The following TMEM132D variants were observed in gnomAD, a reference collection of about 807,000 sequenced individuals.
The protein encoded by TMEM132D is mature OL transmembrane protein.
A neutral mutation model predicts 62.3 loss-of-function variants in TMEM132D; 21 were observed. That is an observed-to-expected ratio of 0.34 (90% CI 0.24 to 0.49). The LOEUF is 0.49. Ranked by LOEUF, TMEM132D falls within the 20% of genes least tolerant of loss-of-function variation. The pLI is 0.99. For synonymous variants in TMEM132D, 621 were observed against 575.6 expected (o/e 1.08, Z -1.13); for missense variants, 1,346 against 1,402.8 (o/e 0.96, Z 0.65).
At chr12:129,259,512 G>A (rs77480164) in intron 4 of TMEM132D, among the ~76,000 whole-genome samples, 3,843 of 152,276 alleles carry the variant, frequency 0.025, 160 homozygotes, top group African/African-American at 0.087. Context: ...GATCCAGACC[G>A]TATCTTCCCT....
At chr12:129,720,912 G>T (rs1290785836) in intron 1 of TMEM132D, among the ~76,000 whole-genome samples, 3 of 152,202 alleles carry the variant, frequency 2.0e-5, no homozygotes, top group Non-Finnish European at 4.4e-5. Flanking sequence ...AGCTGAAGGA[G>T]GTAGAAAGGT....
rs1877790140 is a variant in TMEM132D at position 129,173,291 on chromosome 12, G to A, written c.1443+36229C>T. Among the ~76,000 whole-genome samples the A allele has an allele frequency of 4.6e-5, 7 of 152,258 alleles. No homozygotes were observed. The South Asian group carries it at 1.5e-3, about 32-fold the overall frequency. On this transcript the variant is annotated intron_variant, in intron 5 of 8. Coordinates refer to ENST00000422113, the MANE Select transcript of TMEM132D (RefSeq NM_133448.3). ...TAAGATTAATAAGCCTTGGATATAA[G>A]AAAAGTCTTCAAAATGGGCTGTTTT...
At chr12:129,431,605 T>A (rs931387260) in intron 3 of TMEM132D, among the ~76,000 whole-genome samples, 2 of 152,272 alleles carry the variant, frequency 1.3e-5, no homozygotes, top group African/African-American at 2.4e-5. Context: ...CCCTCCTGCA[T>A]TTTACAACAG....
chr12:129,694,324 T>C (rs1021670106), intron 2 of TMEM132D, among the ~76,000 whole-genome samples: 3 of 152,098 alleles, frequency 2.0e-5, no homozygotes, highest in Non-Finnish European at 2.9e-5. Context: ...CAAATCCCAA[T>C]TGAAGGACAT....
intron 5 of TMEM132D, among the ~76,000 whole-genome samples, chr12:129,115,692 G>A (rs932986133): frequency 2.6e-5 from 4 of 152,230 alleles, no homozygotes; most frequent in Non-Finnish European, 5.9e-5. Flanking sequence ...ACACTGGGCA[G>A]TCACGACAAG....
intron 5 of TMEM132D, among the ~76,000 whole-genome samples, chr12:129,093,498 A>G (rs558446268): frequency 6.6e-6 from 1 of 152,322 alleles, no homozygotes; most frequent in East Asian, 1.9e-4. Context: ...GATCTCTTCA[A>G]GGAGAACTAC....
At chr12:129,785,417 T>G (rs192326886) in intron 1 of TMEM132D, among the ~76,000 whole-genome samples, 63 of 152,330 alleles carry the variant, frequency 4.1e-4, no homozygotes, top group Admixed American at 4.1e-3. Context: ...AAAATCTACC[T>G]CTGTGGGATT....
At chr12:129,408,505 T>G (rs930140232) in intron 3 of TMEM132D, among the ~76,000 whole-genome samples, 2 of 151,968 alleles carry the variant, frequency 1.3e-5, no homozygotes, top group Admixed American at 1.3e-4. Flanking sequence ...CTTATCCCCT[T>G]TAGCAAAGTT....
At chr12:129,404,194 T>G (rs1160516480) in intron 3 of TMEM132D, among the ~76,000 whole-genome samples, 1 of 148,078 alleles carries the variant, frequency 6.8e-6, no homozygotes, top group Non-Finnish European at 1.5e-5. Flanking sequence ...ACTGGGTTAT[T>G]TAGTTATTTA....
In TMEM132D at chr12:129,598,760, T is replaced by C. The variant is rs1878411407; in HGVS notation, c.969-67555A>G. 2.0e-5 allele frequency among the ~76,000 whole-genome samples: 3 copies of C among 152,192 alleles called. No individual in the cohort carries two copies. In the South Asian group the frequency reaches 6.2e-4, roughly 31 times the overall value. ...GTAAAGATCTATGTTTTGGTAACGA[T>C]TGCAGAAATTTTTCTGCTTTTCAAG... On this transcript the variant is annotated intron_variant, in intron 2 of 8. Transcript: ENST00000422113.
At position 129,264,343 on chromosome 12, in the gene TMEM132D, T is replaced by G. The variant is rs1355767284; in HGVS notation, c.1300-54680A>C. ...GGTGGAGGTTGCAGTGAGCAGAGAT[T>G]GTGCCACTGCACTCCAGCCTGGGCG... On this transcript the variant is annotated intron_variant, in intron 4 of 8. Coordinates refer to ENST00000422113, the MANE Select transcript of TMEM132D (RefSeq NM_133448.3). 3.3e-5 allele frequency among the ~76,000 whole-genome samples: 5 copies of G among 152,094 alleles called. No homozygotes were observed. In the East Asian group the frequency reaches 9.6e-4, roughly 29 times the overall value.
intron 2 of TMEM132D, among the ~76,000 whole-genome samples, chr12:129,644,409 C>A (rs913211601): frequency 2.6e-5 from 4 of 152,122 alleles, no homozygotes; most frequent in Admixed American, 2.0e-4. Flanking sequence ...CTCACTGTGG[C>A]CATAATTGTT....
intron 2 of TMEM132D, among the ~76,000 whole-genome samples, chr12:129,677,512 C>T (rs1244888374): frequency 6.6e-6 from 1 of 152,174 alleles, no homozygotes; most frequent in Non-Finnish European, 1.5e-5. Flanking sequence ...GGTCTAAAGC[C>T]AGCATGGATT....
At chr12:129,318,609 G>C (rs972804270) in intron 4 of TMEM132D, among the ~76,000 whole-genome samples, 8 of 152,160 alleles carry the variant, frequency 5.3e-5, no homozygotes, top group African/African-American at 1.7e-4. Flanking sequence ...CTCTATGTTT[G>C]TGCTGGTGGC....
chr12:129,380,169 T>G (rs1418593120), intron 3 of TMEM132D, among the ~76,000 whole-genome samples: 2 of 152,150 alleles, frequency 1.3e-5, no homozygotes, highest in Non-Finnish European at 2.9e-5. Context: ...AATAACAACA[T>G]CCATTTACAT....
chr12:129,597,718 T>C (rs1191399953), intron 2 of TMEM132D, among the ~76,000 whole-genome samples: 1 of 152,216 alleles, frequency 6.6e-6, no homozygotes, highest in East Asian at 1.9e-4. Context: ...GTTTCAACCA[T>C]AACATAGCAT....
At chr12:129,863,728 T>C (rs1490799989) in intron 1 of TMEM132D, among the ~76,000 whole-genome samples, 1 of 152,160 alleles carries the variant, frequency 6.6e-6, no homozygotes, top group Non-Finnish European at 1.5e-5. Flanking sequence ...CCCCACGATA[T>C]TTTAATACAT....
At chr12:129,634,109 T>G (rs544038430) in intron 2 of TMEM132D, among the ~76,000 whole-genome samples, 1 of 152,072 alleles carries the variant, frequency 6.6e-6, no homozygotes, top group Non-Finnish European at 1.5e-5. Context: ...TTGTCACGTG[T>G]GGGAAGGCCT....
chr12:129,385,696 C>CTCCACTTTA (rs1377820398), intron 3 of TMEM132D, among the ~76,000 whole-genome samples: 1 of 152,188 alleles, frequency 6.6e-6, no homozygotes, highest in African/African-American at 2.4e-5. Context: ...AAAAATGTCT[C>CTCCACTTTA]TCCACTTTAT....
Sources: gnomAD v4.1 joint callset for allele counts (sites outside exome capture counted in the v4.1 genomes callset) on GRCh38, gnomAD v4.1.1 for gene constraint, MANE v1.5 for transcripts, NCBI Gene and HGNC (gene_info 2026-07-23, HGNC 2026-07-21) for gene names.